CUL3: variants seen among roughly 807,000 people sequenced by gnomAD.
CUL3 encodes cullin-3.
Under a neutral mutation model 89.1 loss-of-function variants are expected in CUL3, and 19 were observed. The observed-to-expected ratio is 0.21, with a 90% CI of 0.15 to 0.31. The LOEUF is 0.31. CUL3 is among the 10% of genes least tolerant of loss of function. The pLI, the probability that CUL3 is intolerant of heterozygous loss-of-function variation, is 1.00. For synonymous variants in CUL3, 351 were observed against 308.4 expected, an observed-to-expected ratio of 1.14 and a Z score of -1.45; for missense variants, 469 against 942.3, an observed-to-expected ratio of 0.50 and a Z score of 6.58.
intron 3 of CUL3, among the ~76,000 whole-genome samples, chr2:224,517,563 C>T (rs1388398507): frequency 6.6e-6 from 1 of 152,166 alleles, no homozygotes; most frequent in Non-Finnish European, 1.5e-5. Context: ...GTCCCAGCTA[C>T]TCGGGAGGCT....
At chr2:224,487,986 C>G (rs1691802615) in intron 13 of CUL3, among the ~76,000 whole-genome samples, 2 of 152,144 alleles carry the variant, frequency 1.3e-5, no homozygotes, top group East Asian at 3.9e-4. Context: ...ACAACCTGTT[C>G]CTGAATGACT....
At chr2:224,541,541 C>T (rs937759264) in intron 2 of CUL3, among the ~76,000 whole-genome samples, 1 of 152,196 alleles carries the variant, frequency 6.6e-6, no homozygotes, top group African/African-American at 2.4e-5. Flanking sequence ...AATAACATCA[C>T]GTGACCCAGC....
rs1397709927 is a variant in CUL3 at position 224,485,978 on chromosome 2, G to A, written c.1843-3900C>T. Among the ~76,000 whole-genome samples the A allele has an allele frequency of 6.6e-6, 1 of 152,262 alleles. No individual in the cohort carries two copies. Among genetic ancestry groups the A allele is most frequent in the Non-Finnish European group, 1.5e-5 (1 of 68,052 alleles). On this transcript the variant is annotated intron_variant, in intron 13 of 15. Coordinates refer to ENST00000264414, the MANE Select transcript of CUL3 (RefSeq NM_003590.5). This position sits in a 1 kb window ranked among gnomAD's most constrained non-coding sequence, Gnocchi z 4.1. ...GATACGTAGGTGAACAGGGTCTGGAGTGGACCTCCAGCAAACTGCAGCAGA... is the reference window on the plus strand; with the variant it reads ...GATACGTAGGTGAACAGGGTCTGGAATGGACCTCCAGCAAACTGCAGCAGA...
chr2:224,483,753 A>T (rs1028511494), intron 13 of CUL3, among the ~76,000 whole-genome samples: 2 of 152,226 alleles, frequency 1.3e-5, no homozygotes, highest in Non-Finnish European at 2.9e-5. Flanking sequence ...GGAATTCCAT[A>T]GTACTGTTCT....
chr2:224,513,253 C>A (rs574320570), intron 5 of CUL3, among the ~76,000 whole-genome samples: 1 of 152,028 alleles, frequency 6.6e-6, no homozygotes, highest in Non-Finnish European at 1.5e-5. Flanking sequence ...TACACAGGGG[C>A]GTCAGCATCC....
At chr2:224,564,096 G>A (rs1694981423) in intron 1 of CUL3, among the ~76,000 whole-genome samples, 1 of 152,058 alleles carries the variant, frequency 6.6e-6, no homozygotes, top group Non-Finnish European at 1.5e-5. Flanking sequence ...GACCAGCCTG[G>A]CCAACATGAT....
At position 224,470,739 on chromosome 2, in the gene CUL3, T is replaced by C. The variant is rs1214732572; in HGVS notation, c.*3506A>G. The C allele has an allele frequency of 2.2e-5, 5 of 231,834 alleles. No homozygotes were observed. Among genetic ancestry groups the C allele is most frequent in the African/African-American group, 1.1e-4 (5 of 45,312 alleles). 14.4% of individuals were successfully genotyped at this position (231,834 alleles called of 1,614,324 possible). On this transcript the variant is annotated 3_prime_UTR_variant, in exon 16 of 16. Coordinates refer to ENST00000264414, the MANE Select transcript of CUL3 (RefSeq NM_003590.5). ...TGTTTTCCTTCCTACCAAAAGTTGG[T>C]ATCAGCAAATAATGTAAAGCTAACA...
intron 3 of CUL3, among the ~76,000 whole-genome samples, chr2:224,520,472 C>T (rs1404285976): frequency 6.6e-6 from 1 of 152,216 alleles, no homozygotes; most frequent in African/African-American, 2.4e-5. Flanking sequence ...TCTCACAATG[C>T]TATTCCACTC....
intron 3 of CUL3, among the ~76,000 whole-genome samples, chr2:224,515,876 T>G (rs1332803713): frequency 6.6e-6 from 1 of 152,082 alleles, no homozygotes; most frequent in African/African-American, 2.4e-5. Context: ...TATTTTTTTG[T>G]GGAGACGGGG....
chr2:224,537,550 T>C (rs1693941544), intron 2 of CUL3, among the ~76,000 whole-genome samples: 1 of 152,160 alleles, frequency 6.6e-6, no homozygotes, highest in South Asian at 2.1e-4. Context: ...AATCTAGCAC[T>C]TGTCAGATAC....
chr2:224,538,334 G>A (rs1235819333), intron 2 of CUL3, among the ~76,000 whole-genome samples: 1 of 152,182 alleles, frequency 6.6e-6, no homozygotes, highest in East Asian at 1.9e-4. Flanking sequence ...TGGTAGGAAT[G>A]AGATGAAGAT....
intron 13 of CUL3, among the ~76,000 whole-genome samples, chr2:224,490,859 G>A (rs185260375): frequency 2.4e-4 from 37 of 151,990 alleles, no homozygotes; most frequent in Non-Finnish European, 4.3e-4. Flanking sequence ...GAATACAACC[G>A]GAATTTTCAT....
At chr2:224,498,400 A>G (rs3768893) in intron 11 of CUL3, among the ~76,000 whole-genome samples, 28,135 of 151,982 alleles carry the variant, frequency 0.19, 2,959 homozygotes, top group South Asian at 0.27. Flanking sequence ...TATCCACACC[A>G]TATTTTTTCC....
intron 3 of CUL3, among the ~76,000 whole-genome samples, chr2:224,532,734 T>C (rs1693740876): frequency 6.6e-6 from 1 of 151,962 alleles, no homozygotes; most frequent in Non-Finnish European, 1.5e-5. Flanking sequence ...ATTCTGAGGA[T>C]TGAGTGAGTG....
At chr2:224,566,351 A>G (rs1344741263) in intron 1 of CUL3, among the ~76,000 whole-genome samples, 2 of 152,196 alleles carry the variant, frequency 1.3e-5, no homozygotes, top group African/African-American at 4.8e-5. Context: ...TTCAAGGCTC[A>G]GGGGTTAGTA....
chr2:224,512,668 A>G (rs938968603), intron 5 of CUL3, among the ~76,000 whole-genome samples: 3 of 152,206 alleles, frequency 2.0e-5, no homozygotes, highest in Non-Finnish European at 2.9e-5. Context: ...ATTTTAATCA[A>G]CAACCTTTAG....
intron 6 of CUL3, among the ~76,000 whole-genome samples, chr2:224,508,624 G>A (rs1574640655): frequency 6.6e-6 from 1 of 152,080 alleles, no homozygotes; most frequent in African/African-American, 2.4e-5. Context: ...AATTTGGCAT[G>A]CAAAAATTAA....
intron 1 of CUL3, among the ~76,000 whole-genome samples, chr2:224,570,027 C>A (rs1201751088): frequency 2.1e-5 from 3 of 139,608 alleles, no homozygotes; most frequent in Non-Finnish European, 4.6e-5. Flanking sequence ...AAATCTGATA[C>A]AACTAAACTA....
At chr2:224,537,459 C>T (rs1023886778) in intron 2 of CUL3, among the ~76,000 whole-genome samples, 1 of 152,080 alleles carries the variant, frequency 6.6e-6, no homozygotes, top group Non-Finnish European at 1.5e-5. Flanking sequence ...AGAAATTCCT[C>T]CAAAAATGTT....
Sources: allele counts gnomAD v4.1 joint callset (sites outside exome capture counted in the v4.1 genomes callset), GRCh38; gene constraint gnomAD v4.1.1; non-coding constraint Gnocchi (gnomAD v3.1); transcripts MANE v1.5; gene names NCBI Gene and HGNC (gene_info 2026-07-23, HGNC 2026-07-21).